Variants in NAPEPLD observed in about 807,000 individuals in gnomAD.
NAPEPLD encodes the protein N-acyl phosphatidylethanolamine phospholipase D.
A neutral mutation model predicts 38.1 loss-of-function variants in NAPEPLD; 23 were observed. That is an observed-to-expected ratio of 0.60 (90% CI 0.43 to 0.86). The LOEUF is 0.86. Ranked by LOEUF, NAPEPLD falls within the 40% of genes least tolerant of loss-of-function variation. The pLI, the probability that NAPEPLD is intolerant of heterozygous loss-of-function variation, is 0.00. For missense variants in NAPEPLD, 411 were observed against 476.8 expected, an observed-to-expected ratio of 0.86 and a Z score of 1.28; for synonymous variants, 147 against 162.0, an observed-to-expected ratio of 0.91 and a Z score of 0.71.
intron 1 of NAPEPLD, among the ~76,000 whole-genome samples, chr7:103,135,056 G>A (rs1809752950): frequency 6.6e-6 from 1 of 152,150 alleles, no homozygotes; most frequent in Non-Finnish European, 1.5e-5. Flanking sequence ...ATACCTTTGG[G>A]ATTTCAACAC....
chr7:103,149,103 T>C (rs1658305236), upstream of NAPEPLD: 5 of 985,762 alleles, frequency 5.1e-6, no homozygotes, highest in Non-Finnish European at 4.8e-6. Flanking sequence ...GCAGTGTGGA[T>C]TGCTCCGCCC....
chr7:103,124,102 G>A (rs2129529495), intron 2 of NAPEPLD, among the ~76,000 whole-genome samples: 1 of 152,140 alleles, frequency 6.6e-6, no homozygotes, highest in East Asian at 1.9e-4. Flanking sequence ...AGTAGTTTGA[G>A]ACCAGCAGGG....
chr7:103,147,005 A>T (rs1812701781), intron 1 of NAPEPLD, among the ~76,000 whole-genome samples: 1 of 152,256 alleles, frequency 6.6e-6, no homozygotes, highest in Non-Finnish European at 1.5e-5. Context: ...TTATTTAACC[A>T]GCTGAGGTTG....
intron 1 of NAPEPLD, among the ~76,000 whole-genome samples, chr7:103,136,409 TAAAAAA>T (rs10611860): frequency 7.0e-6 from 1 of 142,042 alleles, no homozygotes; most frequent in African/African-American, 2.6e-5. Context: ...CTGTCTCTAC[TAAAAAA>T]AAAAAAAAAA....
chr7:103,133,689 T>C (rs1451837559), intron 1 of NAPEPLD, among the ~76,000 whole-genome samples: 1 of 152,190 alleles, frequency 6.6e-6, no homozygotes, highest in Admixed American at 6.5e-5. Context: ...CCTTAACATA[T>C]CTAGCTAGAG....
chr7:103,109,747 A>G (rs562984161), intron 4 of NAPEPLD, among the ~76,000 whole-genome samples: 74 of 150,120 alleles, frequency 4.9e-4, no homozygotes, highest in African/African-American at 1.8e-3. Context: ...CTAAGATCAG[A>G]GCAGAACTGA....
At chr7:103,121,312 C>T (rs1806649084) in intron 2 of NAPEPLD, among the ~76,000 whole-genome samples, 1 of 152,158 alleles carries the variant, frequency 6.6e-6, no homozygotes, top group South Asian at 2.1e-4. Context: ...GCATCACAGT[C>T]CTGGCTTTTA....
rs1052143813 is a variant in NAPEPLD, at chr7:103,102,707, A to C, written c.*722T>G. ...AAAAGAATATACTGTTCTTTTAAAA[A>C]TTTAAGTGAATGGTGGTCATGGGTG... On this transcript the variant is annotated 3_prime_UTR_variant, in exon 5 of 5. Coordinates refer to ENST00000465647, the MANE Select transcript of NAPEPLD (RefSeq NM_001122838.3). The C allele has an allele frequency of 4.6e-5, 7 of 152,392 alleles. No individual in the cohort carries two copies. The highest frequency in any genetic ancestry group is 1.7e-4 in the African/African-American group (7 of 41,460). 9.4% of individuals were successfully genotyped at this position (152,392 alleles called of 1,614,324 possible).
chr7:103,142,807 T>C (rs1489339673), intron 1 of NAPEPLD, among the ~76,000 whole-genome samples: 2 of 152,196 alleles, frequency 1.3e-5, no homozygotes, highest in Non-Finnish European at 2.9e-5. Flanking sequence ...TCACTCTTCA[T>C]TAGGATACAG....
chr7:103,122,600 A>C, intron 2 of NAPEPLD, among the ~76,000 whole-genome samples: 1 of 152,176 alleles, frequency 6.6e-6, no homozygotes, highest in East Asian at 1.9e-4. Flanking sequence ...TCATCTGGAA[A>C]ACAGGTGTAA....
chr7:103,132,831 A>T (rs1011113290), intron 1 of NAPEPLD, among the ~76,000 whole-genome samples: 3 of 152,004 alleles, frequency 2.0e-5, no homozygotes, highest in Admixed American at 2.0e-4. Flanking sequence ...AAAAGAAAAA[A>T]TTGGTGCAGT....
At chr7:103,148,190 G>T in intron 1 of NAPEPLD, 1 of 756,888 alleles carries the variant, frequency 1.3e-6, no homozygotes, top group Non-Finnish European at 1.6e-6. Context: ...TGCATCTCAG[G>T]AATGACTTCC....
At chr7:103,133,522 C>T (rs1809413392) in intron 1 of NAPEPLD, among the ~76,000 whole-genome samples, 1 of 152,122 alleles carries the variant, frequency 6.6e-6, no homozygotes, top group African/African-American at 2.4e-5. Flanking sequence ...AGCCTCAGCC[C>T]GAGAGTGGGT....
At chr7:103,118,120 G>A (rs1053670113) in intron 3 of NAPEPLD, among the ~76,000 whole-genome samples, 3 of 152,118 alleles carry the variant, frequency 2.0e-5, no homozygotes, top group Non-Finnish European at 2.9e-5. Flanking sequence ...ACCCAGAGAC[G>A]GAGGTTGCAG....
At position 103,100,361 on chromosome 7, in the gene NAPEPLD, T is replaced by G. The variant is rs766222151; in HGVS notation, c.*3068A>C. 1.3e-5 allele frequency: 2 copies of G among 152,246 alleles called. No individual in the cohort carries two copies. The highest frequency in any genetic ancestry group is 4.8e-5 in the African/African-American group (2 of 41,472). The allele number at this position is 152,246 out of a possible 1,614,324, so 9.4% of individuals were successfully genotyped here. A position where few individuals can be genotyped will look rare whatever the true frequency, so the allele number is the denominator to read the frequency against. On this transcript the variant is annotated 3_prime_UTR_variant, in exon 5 of 5. Transcript: ENST00000465647. Reference sequence around the variant, plus strand: ...CAGCAGTAGATTCTAAAACTGTGTCTTCTTGTCCTCTCATTAGTTTGAATA... The same window carrying G: ...CAGCAGTAGATTCTAAAACTGTGTCGTCTTGTCCTCTCATTAGTTTGAATA...
At chr7:103,138,655 A>C (rs1461879359) in intron 1 of NAPEPLD, among the ~76,000 whole-genome samples, 1 of 152,080 alleles carries the variant, frequency 6.6e-6, no homozygotes, top group African/African-American at 2.4e-5. Flanking sequence ...TTTTTAGTAG[A>C]GACAGGGTTT....
At chr7:103,105,153 GTGAC>G (rs1038442744) in intron 4 of NAPEPLD, among the ~76,000 whole-genome samples, 9 of 152,188 alleles carry the variant, frequency 5.9e-5, no homozygotes, top group African/African-American at 2.2e-4. Flanking sequence ...AGGCTTCTGA[GTGAC>G]TGAGAGCTCA....
intron 1 of NAPEPLD, among the ~76,000 whole-genome samples, chr7:103,140,387 CTTTTTTTT>C (rs377763676): frequency 1.3e-4 from 12 of 92,622 alleles, no homozygotes; most frequent in East Asian, 3.7e-4. Context: ...TCACAGAACT[CTTTTTTTT>C]TTTTTTTTTT....
intron 3 of NAPEPLD, among the ~76,000 whole-genome samples, chr7:103,118,847 T>G (rs1806055794): frequency 6.6e-6 from 1 of 152,230 alleles, no homozygotes; most frequent in African/African-American, 2.4e-5. Flanking sequence ...GACCTTTCGC[T>G]GCTCTGAAAT....
Sources: gnomAD v4.1 joint callset for allele counts (sites outside exome capture counted in the v4.1 genomes callset) on GRCh38, gnomAD v4.1.1 for gene constraint, MANE v1.5 for transcripts, NCBI Gene and HGNC (gene_info 2026-07-23, HGNC 2026-07-21) for gene names.